The following MAEA variants were observed in gnomAD, a reference collection of about 807,000 sequenced individuals.
The protein encoded by MAEA is E3 ubiquitin-protein transferase MAEA.
Under a neutral mutation model 46.2 loss-of-function variants are expected in MAEA, and 22 were observed. The observed-to-expected ratio is 0.48, with a 90% CI of 0.34 to 0.68. The LOEUF (loss-of-function observed/expected upper bound fraction) is 0.68. MAEA is among the 30% of genes least tolerant of loss of function. The pLI, the probability that MAEA is intolerant of heterozygous loss-of-function variation, is 0.01. For missense variants in MAEA, 393 were observed against 558.1 expected (o/e 0.70, Z 2.98); for synonymous variants, 246 against 222.6 (o/e 1.11, Z -0.94).
intron 3 of MAEA, among the ~76,000 whole-genome samples, chr4:1,319,872 G>A (rs1378024464): frequency 2.0e-5 from 3 of 151,934 alleles, no homozygotes; most frequent in East Asian, 3.9e-4. Context: ...CTATGAAGGG[G>A]CTCCAGAAAA....
intron 5 of MAEA, chr4:1,332,154 C>T (rs894666235): frequency 2.0e-5 from 3 of 152,552 alleles, no homozygotes; most frequent in Non-Finnish European, 4.4e-5. Flanking sequence ...TGGGAATCCT[C>T]AGGGTTTGGG....
chr4:1,328,019 C>A (rs903650558), intron 5 of MAEA, among the ~76,000 whole-genome samples: 7 of 152,242 alleles, frequency 4.6e-5, no homozygotes, highest in African/African-American at 1.2e-4. Context: ...AGGCTCCCGG[C>A]ACCCCCTTTC....
chr4:1,337,184 G>A (rs937039686), intron 7 of MAEA, 190 bp downstream of exon 7: 3 of 647,500 alleles, frequency 4.6e-6, no homozygotes, highest in East Asian at 2.8e-5. Context: ...CGGATGCGTC[G>A]TGCAGCCTTC....
chr4:1,300,291 C>T (rs573398271), intron 1 of MAEA, among the ~76,000 whole-genome samples: 90 of 152,278 alleles, frequency 5.9e-4, no homozygotes, highest in African/African-American at 2.1e-3. Flanking sequence ...GTAATGATAT[C>T]ATATTGTTCT....
intron 7 of MAEA, chr4:1,338,049 G>C: frequency 4.4e-6 from 1 of 226,864 alleles, no homozygotes; most frequent in East Asian, 1.1e-4. Flanking sequence ...CTGGGCGAGA[G>C]GGCTGGCGTG....
intron 1 of MAEA, among the ~76,000 whole-genome samples, chr4:1,291,299 C>G (rs1378516996): frequency 1.3e-5 from 2 of 152,220 alleles, no homozygotes; most frequent in Admixed American, 1.3e-4. Flanking sequence ...GCCCGCCACA[C>G]TAATGGTTTC....
At chr4:1,335,401 G>A (rs1374945401) in intron 6 of MAEA, 2 of 985,378 alleles carry the variant, frequency 2.0e-6, no homozygotes, top group Non-Finnish European at 2.4e-6. Context: ...CAGCCCTGTG[G>A]CATGTTGAAA....
At position 1,330,059 on chromosome 4, in the gene MAEA, G is replaced by C. The variant is rs565137361; in HGVS notation, c.656+2356G>C. 2.2e-4 allele frequency: 217 copies of C among 985,568 alleles called. No homozygotes were observed. The African/African-American group carries it at 3.5e-3, about 16-fold the overall frequency. 61.1% of individuals were successfully genotyped at this position (985,568 alleles called of 1,614,324 possible). A position where few individuals can be genotyped will look rare whatever the true frequency, so the allele number is the denominator to read the frequency against. On this transcript the variant is annotated intron_variant, in intron 5 of 8. Transcript: ENST00000303400. Reference sequence around the variant, plus strand: ...CTGGGCCGGGCAGGGGGCCTCGTTGGCTGGGGTGGCTGCAGCTCCGCCCTG... The same window carrying C: ...CTGGGCCGGGCAGGGGGCCTCGTTGCCTGGGGTGGCTGCAGCTCCGCCCTG...
At position 1,338,545 on chromosome 4, in the gene MAEA, G is replaced by A. The variant is rs756995256; in HGVS notation, c.1023G>A (p.Lys341=). The A allele has an allele frequency of 6.2e-7, 1 of 1,613,378 alleles. No homozygotes were observed. Among genetic ancestry groups the A allele is most frequent in the East Asian group, 2.2e-5 (1 of 44,884 alleles). The part of the protein sequence containing the change: ...AHCANSRLVC[K]ISGDVMNENN... The stretch of plus-strand genomic sequence containing the variant: ...GTGCCAACTCCCGCCTGGTCTGCAA[G>A]ATTTCTGGCGACGTGATGAACGAGA... The change falls in exon 8 of 9, where the codon AAG becomes AAA. Residue 341 remains lysine (K), a synonymous_variant. Coordinates refer to ENST00000303400, the MANE Select transcript of MAEA (RefSeq NM_001017405.3).
chr4:1,329,988 C>G (rs948898399), intron 5 of MAEA: 10 of 985,336 alleles, frequency 1.0e-5, no homozygotes, highest in Middle Eastern at 5.2e-4. Context: ...CCTCTGGGTC[C>G]ACTGGGGCAG....
Position 1,332,748 on chromosome 4 carries a change from G to GT in MAEA, c.657-3dup. The GT allele has an allele frequency of 6.2e-7, 1 of 1,606,128 alleles. No individual in the cohort carries two copies. On this transcript the variant is annotated splice_polypyrimidine_tract_variant and intron_variant, in intron 5 of 8. Coordinates refer to ENST00000303400, the MANE Select transcript of MAEA (RefSeq NM_001017405.3). ...GCAAACTTAAATGTGCCAAAATGTT[G>GT]TTTTTTAGACATGCAAGAAAGCACT...
At chr4:1,333,602 C>G (rs1311499169) in intron 6 of MAEA, among the ~76,000 whole-genome samples, 1 of 152,108 alleles carries the variant, frequency 6.6e-6, no homozygotes, top group Admixed American at 6.5e-5. Context: ...ACCCTGTGCT[C>G]AGACCTGGCC....
intron 1 of MAEA, among the ~76,000 whole-genome samples, chr4:1,302,844 A>G (rs756301757): frequency 8.5e-5 from 13 of 152,242 alleles, no homozygotes; most frequent in Non-Finnish European, 1.9e-4. Context: ...ACAAATGGCC[A>G]CTAAGCACAT....
intron 1 of MAEA, among the ~76,000 whole-genome samples, chr4:1,300,121 G>C (rs1254638810): frequency 6.6e-6 from 1 of 152,124 alleles, no homozygotes; most frequent in Non-Finnish European, 1.5e-5. Flanking sequence ...ATCACCGCCA[G>C]CCAGTTAGAA....
chr4:1,298,130 G>C (rs1028027815), intron 1 of MAEA: 1 of 453,646 alleles, frequency 2.2e-6, no homozygotes, highest in Non-Finnish European at 4.4e-6. Flanking sequence ...TGTTCCATAT[G>C]CCCCTCCTTC....
intron 7 of MAEA, 50 bp from the exon 8 acceptor site, chr4:1,338,372 A>T: frequency 2.0e-6 from 3 of 1,506,436 alleles, no homozygotes; most frequent in Non-Finnish European, 2.7e-6. Context: ...GGCTGGGCTC[A>T]CCCCGGCTGC....
chr4:1,318,747 C>T (rs893942022), intron 3 of MAEA, among the ~76,000 whole-genome samples: 1 of 152,174 alleles, frequency 6.6e-6, no homozygotes, highest in Non-Finnish European at 1.5e-5. Context: ...CAGACCTGGA[C>T]TTCCTGTAGG....
chr4:1,297,901 C>T (rs970088701), intron 1 of MAEA: 2 of 436,294 alleles, frequency 4.6e-6, no homozygotes, highest in African/African-American at 2.0e-5. Context: ...CCCTTGCCTC[C>T]ACCCCTCGCG....
rs904719604 is a variant in MAEA, at chr4:1,320,755, G to A, written c.457-1626G>A. ...GCTTCAGAAAAGAAATCATCAAAGC[G>A]AACATGCAAGAAAACGCTATGAAGG... On this transcript the variant is annotated intron_variant, in intron 3 of 8. Transcript: ENST00000303400. Among the ~76,000 whole-genome samples, 288 of 112,790 alleles carry A rather than the reference G, an allele frequency of 2.6e-3. No individual in the cohort carries two copies. In the Middle Eastern group the frequency reaches 0.029, roughly 12 times the overall value. 74.0% of individuals were successfully genotyped at this position (112,790 alleles called of 152,430 possible).
Sources: allele counts gnomAD v4.1 joint callset (sites outside exome capture counted in the v4.1 genomes callset), GRCh38; gene constraint gnomAD v4.1.1; transcripts MANE v1.5; gene names NCBI Gene and HGNC (gene_info 2026-07-23, HGNC 2026-07-21).